The following NTM variants were observed in gnomAD, a reference collection of about 807,000 sequenced individuals.
NTM encodes neurotrimin.
In NTM, 13 loss-of-function variants were observed where a neutral mutation model predicts 42.1. The observed-to-expected ratio is 0.31, with a 90% CI of 0.20 to 0.49. NTM has a LOEUF of 0.49. Among genes scored for constraint, NTM ranks in the 20% least tolerant of loss-of-function variants. The pLI, the probability that NTM is intolerant of heterozygous loss-of-function variation, is 0.99. For missense variants in NTM, 373 were observed against 452.8 expected, an observed-to-expected ratio of 0.82 and a Z score of 1.60; for synonymous variants, 187 against 179.2, an observed-to-expected ratio of 1.04 and a Z score of -0.35.
Position 131,923,430 on chromosome 11 carries a change from T to G in NTM, c.167+11782T>G, listed in dbSNP as rs577684452. Among the ~76,000 whole-genome samples the G allele has an allele frequency of 6.6e-5, 10 of 152,328 alleles. 1 individual carries two copies. In the South Asian group the frequency reaches 2.1e-3, roughly 32 times the overall value. ...AGGAAACTCAGGTCTGTCTCTGTAT[T>G]GGCATGGGATTGGGTGTTATTAAAC... is the stretch of plus-strand genomic sequence containing the variant. On this transcript the variant is annotated intron_variant, in intron 2 of 8. Transcript: ENST00000683400.
At chr11:131,538,943 A>ATTTTTTTTTT (rs1189734867) in intron 1 of NTM, 18 of 72,364 alleles carry the variant, frequency 2.5e-4, no homozygotes, top group Admixed American at 3.2e-4. Context: ...TTTTTTTTTA[A>ATTTTTTTTTT]TTTTTTTGAG....
chr11:132,314,764 G>C (rs1194598646), intron 7 of NTM, 61 bp downstream of exon 7: 1 of 1,520,158 alleles, frequency 6.6e-7, no homozygotes. Flanking sequence ...GGAGAGCTGG[G>C]TGGGAGGGCC....
At chr11:131,531,567 C>A (rs984332165) in intron 1 of NTM, among the ~76,000 whole-genome samples, 1 of 152,170 alleles carries the variant, frequency 6.6e-6, no homozygotes, top group African/African-American at 2.4e-5. Context: ...TTCACTATTG[C>A]AATTGTAACA....
At chr11:131,877,128 G>A (rs964479569) in intron 1 of NTM, among the ~76,000 whole-genome samples, 1 of 152,222 alleles carries the variant, frequency 6.6e-6, no homozygotes, top group Non-Finnish European at 1.5e-5. Context: ...CAAAGTGCTG[G>A]GATTGCAGGC....
intron 1 of NTM, among the ~76,000 whole-genome samples, chr11:131,717,542 T>C (rs758955902): frequency 6.6e-6 from 1 of 152,222 alleles, no homozygotes; most frequent in Non-Finnish European, 1.5e-5. Context: ...TACTAGTGTA[T>C]AGAAATACAA....
rs1457936030 is a variant in NTM, at chr11:131,476,762, C to T, written c.82+105874C>T. 7.2e-5 allele frequency among the ~76,000 whole-genome samples: 10 copies of T among 137,982 alleles called. 1 individual carries two copies. Among genetic ancestry groups the T allele is most frequent in the Admixed American group, 7.2e-4 (10 of 13,892 alleles). The allele number at this position is 137,982 out of a possible 152,430, so 90.5% of individuals were successfully genotyped here. On this transcript the variant is annotated intron_variant, in intron 1 of 8. Coordinates refer to ENST00000683400, the MANE Select transcript of NTM (RefSeq NM_001352005.2). ...AAAGAAGCCACACTTCCCCTGCCCA[C>T]CCCACCCACCCCTTCTCCTACTCAG...
intron 4 of NTM, among the ~76,000 whole-genome samples, chr11:132,241,436 T>C (rs2090167649): frequency 6.6e-6 from 1 of 152,242 alleles, no homozygotes; most frequent in Admixed American, 6.5e-5. Flanking sequence ...TTAACTGTAA[T>C]ATTATTTAGT....
intron 2 of NTM, among the ~76,000 whole-genome samples, chr11:132,050,353 C>T (rs2078676637): frequency 6.6e-6 from 1 of 152,172 alleles, no homozygotes; most frequent in South Asian, 2.1e-4. Context: ...GGCTGGTCCT[C>T]AGAGCCCTGT....
intron 1 of NTM, among the ~76,000 whole-genome samples, chr11:131,433,104 G>A (rs1360897282): frequency 7.2e-5 from 11 of 151,738 alleles, no homozygotes; most frequent in Admixed American, 3.3e-4. Flanking sequence ...TGATCCCCCC[G>A]TCTCGGCCTC....
chr11:132,138,536 A>G (rs1026852796), intron 2 of NTM, among the ~76,000 whole-genome samples: 2 of 148,940 alleles, frequency 1.3e-5, no homozygotes, highest in African/African-American at 2.5e-5. Context: ...GGGAGTGTGT[A>G]TTAGTCTGGG....
chr11:131,855,569 G>C (rs1482186478), intron 1 of NTM, among the ~76,000 whole-genome samples: 1 of 152,182 alleles, frequency 6.6e-6, no homozygotes, highest in Admixed American at 6.5e-5. Context: ...CCTTTTTCCT[G>C]TTATTGCCAA....
At chr11:131,988,699 T>C (rs778025079) in intron 2 of NTM, among the ~76,000 whole-genome samples, 2 of 152,198 alleles carry the variant, frequency 1.3e-5, no homozygotes, top group Admixed American at 6.5e-5. Context: ...TGTGGTTCCA[T>C]AGGCAGTGCC....
intron 1 of NTM, chr11:131,910,947 C>G (rs1428144822): frequency 3.0e-6 from 3 of 989,052 alleles, no homozygotes; most frequent in Non-Finnish European, 3.6e-6. Flanking sequence ...CCCGCGAGCT[C>G]CACTTCCCAT....
chr11:131,612,317 G>A (rs2061525104), intron 1 of NTM, among the ~76,000 whole-genome samples: 1 of 152,220 alleles, frequency 6.6e-6, no homozygotes, highest in African/African-American at 2.4e-5. Context: ...GAAACTGTGA[G>A]CAGTAGCAAA....
intron 1 of NTM, among the ~76,000 whole-genome samples, chr11:131,877,322 G>A (rs2048687050): frequency 6.6e-6 from 1 of 152,194 alleles, no homozygotes; most frequent in South Asian, 2.1e-4. Context: ...CCCCACGTTG[G>A]CTTTTCTCGC....
At chr11:132,008,273 C>CA (rs2071275021) in intron 2 of NTM, among the ~76,000 whole-genome samples, 2 of 152,154 alleles carry the variant, frequency 1.3e-5, no homozygotes, top group African/African-American at 2.4e-5. Flanking sequence ...TTGTAAAATT[C>CA]TATTGTCCTG....
At chr11:131,396,033 G>T (rs1046110805) in intron 1 of NTM, among the ~76,000 whole-genome samples, 2 of 152,114 alleles carry the variant, frequency 1.3e-5, no homozygotes, top group Non-Finnish European at 2.9e-5. Context: ...GGGCAGAAAG[G>T]GTTCTGGAGG....
chr11:131,402,704 A>G (rs1026952544), intron 1 of NTM, among the ~76,000 whole-genome samples: 9 of 152,236 alleles, frequency 5.9e-5, no homozygotes, highest in Non-Finnish European at 8.8e-5. Flanking sequence ...CTTAAAGCAT[A>G]TAATCCAGAA....
In NTM at chr11:132,229,214, AT is replaced by A. The variant is rs200098357; in HGVS notation, c.526+17072del. The stretch of plus-strand genomic sequence containing the variant: ...AGTGTTTTCCATTTGAGAACTCCTC[AT>A]TTTTCTTGACGGCCTTATGATGTAG... On this transcript the variant is annotated intron_variant, in intron 4 of 8. Coordinates refer to ENST00000683400, the MANE Select transcript of NTM (RefSeq NM_001352005.2). Among the ~76,000 whole-genome samples the A allele has an allele frequency of 6.3e-3, 954 of 152,052 alleles. 10 individuals carry two copies. The highest frequency in any genetic ancestry group is 0.022 in the African/African-American group (902 of 41,456).
Sources: allele counts gnomAD v4.1 joint callset (sites outside exome capture counted in the v4.1 genomes callset), GRCh38; gene constraint gnomAD v4.1.1; transcripts MANE v1.5; gene names NCBI Gene and HGNC (gene_info 2026-07-23, HGNC 2026-07-21).